ANO1: variants seen among roughly 807,000 people sequenced by gnomAD.
ANO1 encodes anoctamin-1.
Under a neutral mutation model 124.0 loss-of-function variants are expected in ANO1, and 59 were observed. The ratio of observed to expected loss-of-function variants is 0.48; its 90% CI spans 0.39 to 0.59. ANO1 has a LOEUF of 0.59. Ranked by LOEUF, ANO1 falls within the 20% of genes least tolerant of loss-of-function variation. The probability of loss-of-function intolerance (pLI) is 0.00; values close to 1 mark genes in which losing one functional copy is unlikely to be tolerated. For synonymous variants in ANO1, 529 were observed against 532.0 expected, an observed-to-expected ratio of 0.99 and a Z score of 0.08; for missense variants, 1,059 against 1,328.0, an observed-to-expected ratio of 0.80 and a Z score of 3.15.
intron 1 of ANO1, among the ~76,000 whole-genome samples, chr11:70,068,692 C>G (rs1857793929): frequency 2.0e-5 from 3 of 152,140 alleles, no homozygotes; most frequent in African/African-American, 7.2e-5. Context: ...TAGCCTATGT[C>G]TGCTCCATGG....
rs568137387 is a variant in ANO1 at position 70,161,220 on chromosome 11, C to T, written c.1638C>T (p.Ala546=). The change falls in exon 17 of 26, where the codon GCC becomes GCT. Residue 546 remains alanine, a synonymous_variant. Transcript: ENST00000355303. ...TCATCTACAGAATCTCCATGGCCGCCGCCTTGGCCATGAACTCCTCCCCCT... is the reference window on the plus strand; with the variant it reads ...TCATCTACAGAATCTCCATGGCCGCTGCCTTGGCCATGAACTCCTCCCCCT... ...GVIIYRISMA[A]ALAMNSSPSV... The T allele has an allele frequency of 5.8e-5, 94 of 1,613,970 alleles. 1 individual carries two copies. The South Asian group carries it at 6.6e-4, about 11-fold the overall frequency.
At chr11:70,014,109 T>C (rs1311499016) in intron 1 of ANO1, among the ~76,000 whole-genome samples, 1 of 152,104 alleles carries the variant, frequency 6.6e-6, no homozygotes, top group African/African-American at 2.4e-5. Context: ...GTTTCCCCCT[T>C]AAAGGCCCTT....
rs769134871 is a variant in ANO1, at chr11:70,161,364, T to G, written c.1780+2T>G. The stretch of plus-strand genomic sequence containing the variant: ...TAGCCCGATGGCTCACCAAGATCGG[T>G]GAGTGCCCATGTTCCAGGTACTGTG... On this transcript the variant is annotated splice_donor_variant, in intron 17 of 25. Coordinates refer to ENST00000355303, the MANE Select transcript of ANO1 (RefSeq NM_018043.7). LOFTEE classifies it high-confidence loss of function. 1 of 1,613,664 alleles carries G rather than the reference T, an allele frequency of 6.2e-7. No homozygotes were observed. Among genetic ancestry groups the G allele is most frequent in the Non-Finnish European group, 8.5e-7 (1 of 1,179,706 alleles).
intron 20 of ANO1, among the ~76,000 whole-genome samples, chr11:70,166,921 G>A (rs568210117): frequency 2.0e-5 from 3 of 152,282 alleles, no homozygotes; most frequent in South Asian, 2.1e-4. Flanking sequence ...ACAGATGGGC[G>A]GATTGCCTGA....
At chr11:70,149,879 G>C in intron 12 of ANO1, 87 bp downstream of exon 12, 1 of 1,457,020 alleles carries the variant, frequency 6.9e-7, no homozygotes, top group Non-Finnish European at 9.4e-7. Flanking sequence ...ACGGAGGCCC[G>C]AGGTCAGAAA....
intron 23 of ANO1, among the ~76,000 whole-genome samples, chr11:70,181,538 G>T (rs1463815072): frequency 6.6e-6 from 1 of 152,234 alleles, no homozygotes; most frequent in Non-Finnish European, 1.5e-5. Context: ...GGAGTGGGTG[G>T]AGCTGGGAAC....
At position 70,110,897 on chromosome 11, in the gene ANO1, C is replaced by T. The variant is rs533488261; in HGVS notation, c.800-810C>T. ...TCTCTCGCAGTCTCCTGGGGCTGGG[C>T]GCCCGCATGCGCACCTGTTAGGACA... On this transcript the variant is annotated intron_variant, in intron 6 of 25. Coordinates refer to ENST00000355303, the MANE Select transcript of ANO1 (RefSeq NM_018043.7). 3.0e-4 allele frequency among the ~76,000 whole-genome samples: 46 copies of T among 152,374 alleles called. 1 individual carries two copies. The highest frequency in any genetic ancestry group is 1.1e-3 in the African/African-American group (45 of 41,592).
chr11:70,123,292 G>A (rs1163200972), intron 8 of ANO1, among the ~76,000 whole-genome samples: 2 of 152,214 alleles, frequency 1.3e-5, no homozygotes, highest in Non-Finnish European at 2.9e-5. Context: ...TCAGGAATAC[G>A]CCCTCCACCT....
intron 5 of ANO1, 116 bp from the exon 6 acceptor site, chr11:70,108,237 C>A: frequency 1.0e-6 from 1 of 953,804 alleles, no homozygotes; most frequent in South Asian, 1.8e-5. Flanking sequence ...AAGATAGCAC[C>A]AAGGAGGTCT....
intron 7 of ANO1, among the ~76,000 whole-genome samples, chr11:70,112,617 G>A (rs1177840739): frequency 6.6e-6 from 1 of 151,246 alleles, no homozygotes; most frequent in Non-Finnish European, 1.5e-5. Flanking sequence ...GAGTGCAATG[G>A]CATGATCTCG....
chr11:69,986,654 G>C (rs1856048738), intron 1 of ANO1, among the ~76,000 whole-genome samples: 1 of 150,834 alleles, frequency 6.6e-6, no homozygotes, highest in South Asian at 2.1e-4. Flanking sequence ...AATGGAAACT[G>C]AGAGGAACTT....
intron 5 of ANO1, among the ~76,000 whole-genome samples, chr11:70,107,490 C>CGGGGG (rs1432604573): frequency 3.1e-5 from 2 of 64,480 alleles, no homozygotes; most frequent in Non-Finnish European, 3.4e-5. Context: ...CCAGTGGAGG[C>CGGGGG]GGCGGGGCGG....
intron 1 of ANO1, among the ~76,000 whole-genome samples, chr11:70,026,444 G>A (rs537720013): frequency 6.6e-6 from 1 of 151,086 alleles, no homozygotes; most frequent in African/African-American, 2.4e-5. Context: ...GGTGGTGGTG[G>A]TGATGACAAT....
the ANO1 span, among the ~76,000 whole-genome samples, chr11:69,970,424 C>T: frequency 6.6e-6 from 1 of 152,192 alleles, no homozygotes; most frequent in East Asian, 1.9e-4. Flanking sequence ...CCAGCCCCAT[C>T]GATCAGTCCT....
chr11:70,182,757 G>A (rs1305214049), intron 24 of ANO1, 71 bp downstream of exon 24: 1 of 1,302,258 alleles, frequency 7.7e-7, no homozygotes, highest in Non-Finnish European at 1.0e-6. Context: ...GGTTTGGACG[G>A]GGCTCAAATC....
chr11:69,999,440 C>A (rs559515541), intron 1 of ANO1, among the ~76,000 whole-genome samples: 3 of 152,110 alleles, frequency 2.0e-5, no homozygotes, highest in Non-Finnish European at 4.4e-5. Flanking sequence ...GAGATTTGGG[C>A]GGGGACAATG....
intron 1 of ANO1, among the ~76,000 whole-genome samples, chr11:70,041,640 G>A (rs2135057854): frequency 6.6e-6 from 1 of 152,126 alleles, no homozygotes; most frequent in East Asian, 1.9e-4. Flanking sequence ...CACAGGGGCA[G>A]ACATTTTTGT....
chr11:70,007,284 T>TTTC (rs1856510983), intron 1 of ANO1, among the ~76,000 whole-genome samples: 1 of 150,178 alleles, frequency 6.7e-6, no homozygotes, highest in African/African-American at 2.4e-5. Flanking sequence ...TTTTTTTTTT[T>TTTC]TTTTTTTCTT....
intron 21 of ANO1, among the ~76,000 whole-genome samples, chr11:70,168,214 T>C (rs936457296): frequency 1.3e-5 from 2 of 152,142 alleles, no homozygotes; most frequent in African/African-American, 2.4e-5. Flanking sequence ...GCTGGCCTCC[T>C]TGCTGCTCCC....
Sources: gnomAD v4.1 joint callset for allele counts (sites outside exome capture counted in the v4.1 genomes callset) on GRCh38, gnomAD v4.1.1 for gene constraint, MANE v1.5 for transcripts, NCBI Gene and HGNC (gene_info 2026-07-23, HGNC 2026-07-21) for gene names.